The following PAX3 variants were observed in gnomAD, a reference collection of about 807,000 sequenced individuals.
PAX3 encodes paired box protein Pax-3.
In PAX3, 14 loss-of-function variants were observed where a neutral mutation model predicts 51.6. The ratio of observed to expected loss-of-function variants is 0.27; its 90% confidence interval spans 0.18 to 0.42. The LOEUF is 0.42. PAX3 is among the 10% of genes least tolerant of loss of function. The pLI is 1.00. For synonymous variants in PAX3, 280 were observed against 253.4 expected (o/e 1.11, Z -1.00); for missense variants, 540 against 642.8 (o/e 0.84, Z 1.73).
chr2:222,246,544 A>G (rs1693235515), intron 4 of PAX3, among the ~76,000 whole-genome samples: 1 of 152,198 alleles, frequency 6.6e-6, no homozygotes, highest in Non-Finnish European at 1.5e-5. Context: ...AAGAATTGCT[A>G]TTGATTTTAA....
chr2:222,252,603 G>A, intron 4 of PAX3, among the ~76,000 whole-genome samples: 1 of 152,114 alleles, frequency 6.6e-6, no homozygotes, highest in South Asian at 2.1e-4. Flanking sequence ...ATTATCCACA[G>A]CATAATGCAA....
intron 3 of PAX3, among the ~76,000 whole-genome samples, chr2:222,294,758 G>GCCCCCCCCCCCCCCCCC (rs368069047): frequency 3.4e-5 from 3 of 87,094 alleles, no homozygotes; most frequent in African/African-American, 8.8e-5. Context: ...ACTTGTCCGC[G>GCCCCCCCCCCCCCCCCC]CCCCCCCCCA....
intron 4 of PAX3, among the ~76,000 whole-genome samples, chr2:222,251,107 A>G (rs919370720): frequency 1.3e-5 from 2 of 152,020 alleles, no homozygotes; most frequent in Admixed American, 6.6e-5. Flanking sequence ...TTATTTATTT[A>G]TTTATTTTTA....
chr2:222,284,291 G>T (rs1162562728), intron 4 of PAX3, among the ~76,000 whole-genome samples: 2 of 152,186 alleles, frequency 1.3e-5, no homozygotes, highest in African/African-American at 4.8e-5. Flanking sequence ...TTAGGAATAA[G>T]AATGGATGTA....
At chr2:222,201,492 G>A (rs765749874) in intron 8 of PAX3, 50 bp from the exon 9 acceptor site, 2 of 1,609,360 alleles carry the variant, frequency 1.2e-6, no homozygotes, top group African/African-American at 1.3e-5. Flanking sequence ...ACAATTCACA[G>A]TCAGGGGCAA....
chr2:222,218,714 A>G (rs1692066739), intron 7 of PAX3, among the ~76,000 whole-genome samples: 1 of 152,204 alleles, frequency 6.6e-6, no homozygotes, highest in African/African-American at 2.4e-5. Flanking sequence ...AAATGCCAGT[A>G]CTTGGAAATA....
At chr2:222,223,956 CA>C (rs1371119039) in intron 5 of PAX3, among the ~76,000 whole-genome samples, 5 of 152,148 alleles carry the variant, frequency 3.3e-5, no homozygotes, top group African/African-American at 1.2e-4. Context: ...ACTATTGACT[CA>C]AGGTTCATTC....
At chr2:222,243,345 C>G (rs1693090993) in intron 4 of PAX3, among the ~76,000 whole-genome samples, 1 of 152,154 alleles carries the variant, frequency 6.6e-6, no homozygotes, top group Non-Finnish European at 1.5e-5. Flanking sequence ...CCAGAGAGAG[C>G]AAGTGAGGTT....
At chr2:222,228,324 T>C (rs545285824) in intron 5 of PAX3, among the ~76,000 whole-genome samples, 1 of 152,324 alleles carries the variant, frequency 6.6e-6, no homozygotes, top group African/African-American at 2.4e-5. Context: ...ATGAAGGCCC[T>C]GCTTCGAAGA....
At chr2:222,218,115 A>T (rs1251686906) in intron 7 of PAX3, among the ~76,000 whole-genome samples, 4 of 152,212 alleles carry the variant, frequency 2.6e-5, no homozygotes, top group Non-Finnish European at 5.9e-5. Flanking sequence ...AATACCCTGC[A>T]TATTGCAATG....
intron 5 of PAX3, among the ~76,000 whole-genome samples, chr2:222,229,563 C>T (rs1692508780): frequency 6.6e-6 from 1 of 152,120 alleles, no homozygotes; most frequent in South Asian, 2.1e-4. Context: ...CCTTGCCATT[C>T]CCACTGCCAC....
At chr2:222,292,044 G>A (rs1695062201) in intron 4 of PAX3, among the ~76,000 whole-genome samples, 1 of 150,454 alleles carries the variant, frequency 6.6e-6, no homozygotes, top group Non-Finnish European at 1.5e-5. Flanking sequence ...AGCCCCCACT[G>A]GGGAGAATAC....
In PAX3 at chr2:222,283,075, T is replaced by C. The variant is rs189887937; in HGVS notation, c.586+11092A>G. 2.5e-3 allele frequency among the ~76,000 whole-genome samples: 387 copies of C among 152,348 alleles called. 1 individual carries two copies. The highest frequency in any genetic ancestry group is 8.2e-3 in the African/African-American group (342 of 41,572). On this transcript the variant is annotated intron_variant, in intron 4 of 8. Coordinates refer to ENST00000392070, the MANE Select transcript of PAX3 (RefSeq NM_181458.4). ...ACCAGAATTACAAATGTCATTCCTT[T>C]TGTCCTTACCAGGGAGGAATTATTT...
chr2:222,229,947 G>T (rs1692523896), intron 5 of PAX3, among the ~76,000 whole-genome samples: 1 of 152,168 alleles, frequency 6.6e-6, no homozygotes, highest in South Asian at 2.1e-4. Context: ...ACTTTGGGAA[G>T]CCAAGGCAAG....
At chr2:222,222,576 G>T (rs1295153069) in intron 5 of PAX3, among the ~76,000 whole-genome samples, 1 of 151,994 alleles carries the variant, frequency 6.6e-6, no homozygotes, top group Non-Finnish European at 1.5e-5. Context: ...GCTAATTTTT[G>T]TATTCTTAGT....
intron 5 of PAX3, among the ~76,000 whole-genome samples, chr2:222,228,388 T>C (rs1692461329): frequency 6.6e-6 from 1 of 152,206 alleles, no homozygotes; most frequent in Non-Finnish European, 1.5e-5. Context: ...TGATCCCATG[T>C]CCTCTGAAAG....
At position 222,298,731 on chromosome 2, in the gene PAX3, G is replaced by C; in HGVS notation, c.-116C>G. The C allele has an allele frequency of 1.1e-5, 11 of 1,017,084 alleles. 1 individual carries two copies. The South Asian group carries it at 1.5e-4, about 14-fold the overall frequency. 63.0% of individuals were successfully genotyped at this position (1,017,084 alleles called of 1,614,324 possible). A position where few individuals can be genotyped will look rare whatever the true frequency, so the allele number is the denominator to read the frequency against. On this transcript the variant is annotated 5_prime_UTR_variant, in exon 1 of 9. Coordinates refer to ENST00000392070, the MANE Select transcript of PAX3 (RefSeq NM_181458.4). ...AGCGTGGAGAGCCCCTCCCCAAAAC[G>C]GCTGGAGAGAGAGGGAGGGACGCGG...
chr2:222,269,546 GCAAA>G (rs1325505104), intron 4 of PAX3, among the ~76,000 whole-genome samples: 1 of 151,748 alleles, frequency 6.6e-6, no homozygotes, highest in African/African-American at 2.4e-5. Flanking sequence ...AGTGATTAGT[GCAAA>G]CAAACAAGAG....
rs147359491 is a variant in PAX3 at position 222,218,224 on chromosome 2, A to G, written c.1173+1916T>C. On this transcript the variant is annotated intron_variant, in intron 7 of 8. Transcript: ENST00000392070. ...CTTAGTATTAGAATGATTTTGCTCT[A>G]CCATCAACTCCAGAATCATAGCCAG... 3.5e-3 allele frequency among the ~76,000 whole-genome samples: 539 copies of G among 152,328 alleles called. 3 individuals carry two copies. The highest frequency in any genetic ancestry group is 0.013 in the African/African-American group (526 of 41,580).
Sources: allele counts gnomAD v4.1 joint callset (sites outside exome capture counted in the v4.1 genomes callset), GRCh38; gene constraint gnomAD v4.1.1; transcripts MANE v1.5; gene names NCBI Gene and HGNC (gene_info 2026-07-23, HGNC 2026-07-21).